The following RAPGEF1 variants were observed in gnomAD, a reference collection of about 807,000 sequenced individuals.
RAPGEF1 encodes the protein CRK SH3-binding GNRP.
Under a neutral mutation model 143.3 loss-of-function variants are expected in RAPGEF1, and 33 were observed. That is an observed-to-expected ratio of 0.23 (90% CI 0.17 to 0.31). The LOEUF is 0.31. Ranked by LOEUF, RAPGEF1 falls within the 10% of genes least tolerant of loss-of-function variation. The probability of loss-of-function intolerance (pLI) is 1.00; values close to 1 mark genes in which losing one functional copy is unlikely to be tolerated. For missense variants in RAPGEF1, 1,199 were observed against 1,645.4 expected, an observed-to-expected ratio of 0.73 and a Z score of 4.69; for synonymous variants, 629 against 676.5, an observed-to-expected ratio of 0.93 and a Z score of 1.09.
chr9:131,723,193 C>CAAAT (rs900235263), intron 1 of RAPGEF1, among the ~76,000 whole-genome samples: 13 of 151,622 alleles, frequency 8.6e-5, no homozygotes, highest in Non-Finnish European at 1.3e-4. Flanking sequence ...GACTCCGTCT[C>CAAAT]AAATAAATAA....
chr9:131,580,240 C>T lies in RAPGEF1; in HGVS notation c.3641+23G>A, dbSNP rs1462773572. On this transcript the variant is annotated intron_variant, in intron 26 of 26. Coordinates refer to ENST00000683357, the MANE Select transcript of RAPGEF1 (RefSeq NM_001377935.1). ...GGCCCGGGGCTCAGCTCTGCCTGGT[C>T]CCCCCGGGGCAGTGGCACTCACGCC... 2.5e-6 allele frequency: 4 copies of T among 1,610,132 alleles called. No individual in the cohort carries two copies. In the African/African-American group the frequency reaches 5.3e-5, roughly 22 times the overall value.
In RAPGEF1 at chr9:131,588,940, C is replaced by T. The variant is rs1953682798; in HGVS notation, c.2914G>A (p.Val972Ile). ...EEILKLLMEL[V>I]FRLVCNGELS... is the part of the protein sequence containing the mutation. ...TCCCCATTGCACACCAGGCGGAAGACCAGTTCCATCAGCAGCTTCAGGATC... is the reference window on the plus strand; with the variant it reads ...TCCCCATTGCACACCAGGCGGAAGATCAGTTCCATCAGCAGCTTCAGGATC... Residue 972 changes from valine to isoleucine, a missense_variant, in exon 20 of 27, where the codon GTC becomes ATC. This residue lies in a region of RAPGEF1 where 209 missense variants were observed against 403.0 expected (regional missense o/e 0.52). Coordinates refer to ENST00000683357, the MANE Select transcript of RAPGEF1 (RefSeq NM_001377935.1). 5 of 1,613,792 alleles carry T rather than the reference C, an allele frequency of 3.1e-6. No homozygotes were observed. The highest frequency in any genetic ancestry group is 3.4e-6 in the Non-Finnish European group (4 of 1,179,838).
At chr9:131,587,894 C>T (rs368356509) in intron 21 of RAPGEF1, 48 bp downstream of exon 21, 2 of 1,598,926 alleles carry the variant, frequency 1.3e-6, no homozygotes, top group Non-Finnish European at 1.7e-6. Context: ...GGGTTTCTCT[C>T]ATTCAGGGAC....
chr9:131,691,966 T>C (rs1055675823), intron 1 of RAPGEF1, among the ~76,000 whole-genome samples: 12 of 152,250 alleles, frequency 7.9e-5, no homozygotes, highest in Non-Finnish European at 1.0e-4. Flanking sequence ...CCCTACCTAA[T>C]ATCTCCAGAA....
chr9:131,587,305 A>AAC lies in RAPGEF1; in HGVS notation c.3233+429_3233+430dup, dbSNP rs71374114. Among the ~76,000 whole-genome samples the AAC allele has an allele frequency of 6.2e-3, 547 of 88,398 alleles. 85 individuals are homozygous for AAC. Among genetic ancestry groups the AAC allele is most frequent in the Non-Finnish European group, 7.6e-3 (310 of 40,590 alleles). The allele number at this position is 88,398 out of a possible 152,430, so 58.0% of individuals were successfully genotyped here. On this transcript the variant is annotated intron_variant, in intron 22 of 26. Transcript: ENST00000683357. The stretch of plus-strand genomic sequence containing the variant: ...ACCTGCAGAGCGAGACTCCGTCTCA[A>AAC]ACACACACACACACACACACACGAA...
In RAPGEF1 at chr9:131,650,742, T is replaced by C. The variant is rs942702770; in HGVS notation, c.201+68A>G. On this transcript the variant is annotated intron_variant, in intron 2 of 26. Transcript: ENST00000683357. This position sits in a 1 kb window ranked among gnomAD's most constrained non-coding sequence, Gnocchi z 4.7. ...AAGCTCAATCCCCAGGGAGGGAACA[T>C]ACAAATCGCACAAACTCATATTGCT... 5.1e-6 allele frequency: 8 copies of C among 1,576,494 alleles called. No individual in the cohort carries two copies. The highest frequency in any genetic ancestry group is 6.0e-6 in the Non-Finnish European group (7 of 1,159,958).
At chr9:131,631,073 G>A (rs1964710085) in intron 5 of RAPGEF1, among the ~76,000 whole-genome samples, 2 of 151,824 alleles carry the variant, frequency 1.3e-5, no homozygotes, top group Middle Eastern at 3.4e-3. Context: ...AATCTGCCCC[G>A]CCCCAACTGT....
chr9:131,704,364 A>C (rs1278321080), intron 1 of RAPGEF1, among the ~76,000 whole-genome samples: 1 of 151,584 alleles, frequency 6.6e-6, no homozygotes, highest in Non-Finnish European at 1.5e-5. Context: ...AACCACTGGC[A>C]TTCAAAACTG....
At chr9:131,666,913 G>C (rs1428724172) in intron 1 of RAPGEF1, among the ~76,000 whole-genome samples, 2 of 152,206 alleles carry the variant, frequency 1.3e-5, no homozygotes, top group African/African-American at 4.8e-5. Flanking sequence ...ATGAAGCAAA[G>C]AGCCTTGGCC....
rs201714090 is a variant in RAPGEF1 at position 131,582,643 on chromosome 9, G to A, written c.3474C>T (p.Ala1158=). Residue 1158 remains alanine, a synonymous_variant, in exon 25 of 27, where the codon GCC becomes GCT. Transcript: ENST00000683357. The part of the protein sequence containing the change: ...DSSSSFRAYR[A]ALSEVEPPCI... ...ACGGCGGTTCCACCTCCGAGAGGGC[G>A]GCCCGGTAGGCTCGGAAGGAGGACG... 2.7e-4 allele frequency: 413 copies of A among 1,534,234 alleles called. No homozygotes were observed. Among genetic ancestry groups the A allele is most frequent in the Non-Finnish European group, 3.2e-4 (370 of 1,150,620 alleles).
chr9:131,586,513 G>A lies in RAPGEF1; in HGVS notation c.3233+1223C>T, dbSNP rs1401134334. 3.8e-5 allele frequency among the ~76,000 whole-genome samples: 2 copies of A among 52,600 alleles called. 1 individual carries two copies. Among genetic ancestry groups the A allele is most frequent in the African/African-American group, 2.2e-4 (2 of 9,034 alleles). The allele number at this position is 52,600 out of a possible 152,430, so 34.5% of individuals were successfully genotyped here. A position where few individuals can be genotyped will look rare whatever the true frequency, so the allele number is the denominator to read the frequency against. On this transcript the variant is annotated intron_variant, in intron 22 of 26. Coordinates refer to ENST00000683357, the MANE Select transcript of RAPGEF1 (RefSeq NM_001377935.1). ...ACACACACACACACACCTGCAGAGC[G>A]AGACTCCGTCAAACACACACACACA... is the stretch of plus-strand genomic sequence containing the variant.
intron 5 of RAPGEF1, among the ~76,000 whole-genome samples, chr9:131,631,238 C>T (rs574245347): frequency 3.9e-5 from 6 of 152,286 alleles, no homozygotes; most frequent in East Asian, 3.9e-4. Flanking sequence ...TTAAAGTGTA[C>T]GATTCAGTGG....
chr9:131,590,014 G>C (rs1465680216), intron 18 of RAPGEF1, 36 bp from the exon 19 acceptor site: 4 of 1,579,906 alleles, frequency 2.5e-6, no homozygotes, highest in Non-Finnish European at 1.7e-6. Context: ...CATGTGGTCG[G>C]CTGAGGGTGG....
At chr9:131,640,395 C>T (rs11999618) in intron 4 of RAPGEF1, among the ~76,000 whole-genome samples, 5,960 of 152,308 alleles carry the variant, frequency 0.039, 240 homozygotes, top group East Asian at 0.09. Flanking sequence ...TTCCTTTCTA[C>T]CTGCATTGGA....
intron 10 of RAPGEF1, among the ~76,000 whole-genome samples, chr9:131,624,081 A>T (rs1962169928): frequency 6.6e-6 from 1 of 152,112 alleles, no homozygotes; most frequent in Non-Finnish European, 1.5e-5. Context: ...ATCTCAAGGA[A>T]GGAGGGCTGA....
intron 1 of RAPGEF1, among the ~76,000 whole-genome samples, chr9:131,662,320 C>G (rs1236140472): frequency 1.3e-5 from 2 of 152,204 alleles, no homozygotes; most frequent in Non-Finnish European, 2.9e-5. Flanking sequence ...AATAGCAAAA[C>G]CACTTGAAAG....
Position 131,584,524 on chromosome 9 carries a change from G to C in RAPGEF1, c.3306C>G (p.Ile1102Met). The C allele has an allele frequency of 6.2e-7, 1 of 1,614,010 alleles. No individual in the cohort carries two copies. Among genetic ancestry groups the C allele is most frequent in the Non-Finnish European group, 8.5e-7 (1 of 1,179,872 alleles). Residue 1102 changes from isoleucine to methionine, a missense_variant, in exon 23 of 27, where the codon ATC becomes ATG. Physicochemically the swap from Ile to Met is conservative, Grantham distance 10. Around this residue, in one of 6 missense-constraint regions of RAPGEF1, gnomAD observed 209 missense variants for 403.0 expected, o/e 0.52. Transcript: ENST00000683357. This position sits in a 1 kb window ranked among gnomAD's most constrained non-coding sequence, Gnocchi z 6.8. Reference sequence around the variant, plus strand: ...AGGACTTGGCCACCATTACCTTCATGATCTTGATGAACTTCAAGAGCAGCC... The same window carrying C: ...AGGACTTGGCCACCATTACCTTCATCATCTTGATGAACTTCAAGAGCAGCC... ...RERLLLKFIK[I>M]MKHLRKLNNF...
chr9:131,685,345 A>G (rs1001491603), intron 1 of RAPGEF1, among the ~76,000 whole-genome samples: 1 of 152,246 alleles, frequency 6.6e-6, no homozygotes, highest in African/African-American at 2.4e-5. Context: ...ACTGGCCCCA[A>G]AACTGGCCAT....
At chr9:131,597,699 A>G (rs908748418) in intron 16 of RAPGEF1, among the ~76,000 whole-genome samples, 2 of 152,038 alleles carry the variant, frequency 1.3e-5, no homozygotes, top group African/African-American at 4.8e-5. Context: ...CAGGGAATCC[A>G]CAGTGTCCAG....
Sources: allele counts gnomAD v4.1 joint callset (sites outside exome capture counted in the v4.1 genomes callset), GRCh38; gene constraint gnomAD v4.1.1; regional missense constraint gnomAD v4.1.1; non-coding constraint Gnocchi (gnomAD v3.1); transcripts MANE v1.5; gene names NCBI Gene and HGNC (gene_info 2026-07-23, HGNC 2026-07-21).